Variants in RBM27 observed in about 807,000 individuals in gnomAD.
The protein encoded by RBM27 is RNA-binding protein 27.
In RBM27, 22 loss-of-function variants were observed where a neutral mutation model predicts 135.3. The ratio of observed to expected loss-of-function variants is 0.16; its 90% CI spans 0.12 to 0.23. The LOEUF (loss-of-function observed/expected upper bound fraction) is 0.23, where lower values mean the gene tolerates loss of function less well. Ranked by LOEUF, RBM27 falls within the 10% of genes least tolerant of loss-of-function variation. The pLI is 1.00. For synonymous variants in RBM27, 481 were observed against 442.4 expected (o/e 1.09, Z -1.10); for missense variants, 1,009 against 1,281.0 (o/e 0.79, Z 3.24).
intron 13 of RBM27, among the ~76,000 whole-genome samples, chr5:146,262,836 C>A (rs1325075331): frequency 6.6e-6 from 1 of 151,318 alleles, no homozygotes; most frequent in Non-Finnish European, 1.5e-5. Context: ...CACAATTATT[C>A]ATATTAAGCC....
chr5:146,218,834 T>G (rs771641592), intron 1 of RBM27, 151 bp from the exon 2 acceptor site: 4 of 519,784 alleles, frequency 7.7e-6, no homozygotes, highest in Non-Finnish European at 1.4e-5. Context: ...AGTATGTATA[T>G]GTTTATTATA....
chr5:146,231,982 T>G (rs1756953016), intron 6 of RBM27, among the ~76,000 whole-genome samples: 2 of 152,350 alleles, frequency 1.3e-5, no homozygotes, highest in South Asian at 2.1e-4. Context: ...CAAGTTTGAT[T>G]TGCTGACTTT....
intron 19 of RBM27, among the ~76,000 whole-genome samples, 200 bp downstream of exon 19, chr5:146,271,874 G>C (rs949770439): frequency 1.3e-5 from 2 of 152,202 alleles, no homozygotes; most frequent in African/African-American, 4.8e-5. Context: ...CTCCACTTAA[G>C]TGCATTTGTA....
At chr5:146,205,794 G>C (rs1403302734) in intron 1 of RBM27, among the ~76,000 whole-genome samples, 1 of 152,196 alleles carries the variant, frequency 6.6e-6, no homozygotes, top group Non-Finnish European at 1.5e-5. Flanking sequence ...GCCTAGGCGG[G>C]CGGATCATGA....
chr5:146,275,202 A>G (rs1001437969), intron 19 of RBM27, among the ~76,000 whole-genome samples: 2 of 151,388 alleles, frequency 1.3e-5, no homozygotes, highest in African/African-American at 4.8e-5. Context: ...ATATATAAAT[A>G]TAATTTTATA....
chr5:146,216,889 C>A (rs1756217270), intron 1 of RBM27, among the ~76,000 whole-genome samples: 1 of 152,150 alleles, frequency 6.6e-6, no homozygotes, highest in Non-Finnish European at 1.5e-5. Context: ...AACTTCTAGG[C>A]TTAAGCAGCC....
chr5:146,219,230 T>C (rs1756337604), intron 2 of RBM27, 127 bp downstream of exon 2: 1 of 569,926 alleles, frequency 1.8e-6, no homozygotes, highest in Admixed American at 3.3e-5. Context: ...TACTTGAATA[T>C]ACCCATTCAT....
intron 13 of RBM27, 97 bp downstream of exon 13, chr5:146,261,903 C>T: frequency 7.9e-7 from 1 of 1,263,464 alleles, no homozygotes; most frequent in Non-Finnish European, 1.1e-6. Context: ...AGAAGAGCTA[C>T]TCTTAATTTG....
intron 1 of RBM27, among the ~76,000 whole-genome samples, chr5:146,205,926 GAAGAAT>G: frequency 6.6e-6 from 1 of 152,162 alleles, no homozygotes; most frequent in Admixed American, 6.5e-5. Flanking sequence ...GGCTGAGGCA[GAAGAAT>G]CGCTTGAATC....
At chr5:146,245,036 A>C (rs1253381804) in intron 8 of RBM27, among the ~76,000 whole-genome samples, 1 of 152,094 alleles carries the variant, frequency 6.6e-6, no homozygotes, top group African/African-American at 2.4e-5. Context: ...CACCATGCCC[A>C]GCTAATGTTG....
intron 19 of RBM27, among the ~76,000 whole-genome samples, chr5:146,273,058 G>C (rs1363773274): frequency 6.6e-6 from 1 of 152,174 alleles, no homozygotes; most frequent in African/African-American, 2.4e-5. Flanking sequence ...GCCTTTTAAG[G>C]TTTAGTATAT....
chr5:146,271,423 T>A (rs1488196237), intron 18 of RBM27, 60 bp from the exon 19 acceptor site: 65 of 1,423,902 alleles, frequency 4.6e-5, no homozygotes, highest in Non-Finnish European at 5.9e-5. Context: ...AAAGTTTTCC[T>A]TTGTTTTTAA....
intron 1 of RBM27, 49 bp downstream of exon 1, chr5:146,203,873 C>A: frequency 3.2e-6 from 3 of 940,460 alleles, no homozygotes; most frequent in Non-Finnish European, 3.0e-6. Flanking sequence ...GCGTTGGGGG[C>A]TCGCGGGGGC....
intron 17 of RBM27, 66 bp from the exon 18 acceptor site, chr5:146,270,888 T>A: frequency 4.1e-6 from 4 of 971,290 alleles, no homozygotes; most frequent in Non-Finnish European, 6.3e-6. Flanking sequence ...TGTGTAACTA[T>A]CATGTTCTGG....
At chr5:146,236,391 C>G (rs1757161198) in intron 7 of RBM27, among the ~76,000 whole-genome samples, 1 of 152,142 alleles carries the variant, frequency 6.6e-6, no homozygotes, top group Admixed American at 6.5e-5. Flanking sequence ...TACCATCACC[C>G]TAGAAAGTTT....
At position 146,288,158 on chromosome 5, in the gene RBM27, G is replaced by A. The variant is rs1247766733; in HGVS notation, c.*2128G>A. ...AACTGAAAATTACAGTAAATAAATGGAACTCTAAGAAAAATTTCAGTAGAC... is the reference window on the plus strand; with the variant it reads ...AACTGAAAATTACAGTAAATAAATGAAACTCTAAGAAAAATTTCAGTAGAC... On this transcript the variant is annotated 3_prime_UTR_variant, in exon 21 of 21. Transcript: ENST00000265271. The A allele has an allele frequency of 6.6e-6, 1 of 151,806 alleles. No individual in the cohort carries two copies. Among genetic ancestry groups the A allele is most frequent in the African/African-American group, 2.4e-5 (1 of 41,344 alleles). 9.4% of individuals were successfully genotyped at this position (151,806 alleles called of 1,614,324 possible). A position where few individuals can be genotyped will look rare whatever the true frequency, so the allele number is the denominator to read the frequency against.
intron 9 of RBM27, among the ~76,000 whole-genome samples, chr5:146,254,076 A>G (rs1758007554): frequency 6.6e-6 from 1 of 152,210 alleles, no homozygotes; most frequent in Non-Finnish European, 1.5e-5. Context: ...TTAAAAAGGT[A>G]CCTAGAAATT....
intron 1 of RBM27, among the ~76,000 whole-genome samples, chr5:146,204,615 G>A (rs1450576706): frequency 3.3e-5 from 5 of 152,156 alleles, no homozygotes; most frequent in Admixed American, 2.0e-4. Flanking sequence ...AATTGGTGGA[G>A]GAGTATACCT....
intron 4 of RBM27, 46 bp downstream of exon 4, chr5:146,229,083 T>C: frequency 6.7e-7 from 1 of 1,492,768 alleles, no homozygotes; most frequent in African/African-American, 1.4e-5. Context: ...ACTCACTTTT[T>C]AGTTGCCTTG....
Sources: gnomAD v4.1 joint callset for allele counts (sites outside exome capture counted in the v4.1 genomes callset) on GRCh38, gnomAD v4.1.1 for gene constraint, MANE v1.5 for transcripts, NCBI Gene and HGNC (gene_info 2026-07-23, HGNC 2026-07-21) for gene names.